The following DOK6 variants were observed in gnomAD, a reference collection of about 807,000 sequenced individuals.
The protein encoded by DOK6 is docking protein 6.
A neutral mutation model predicts 44.0 loss-of-function variants in DOK6; 22 were observed. That is an observed-to-expected ratio of 0.50 (90% confidence interval 0.36 to 0.71). The LOEUF is 0.71. DOK6 is among the 30% of genes least tolerant of loss of function. DOK6 has a pLI of 0.00. For synonymous variants in DOK6, 166 were observed against 145.5 expected, an observed-to-expected ratio of 1.14 and a Z score of -1.01; for missense variants, 340 against 416.4, an observed-to-expected ratio of 0.82 and a Z score of 1.60.
At chr18:69,480,538 A>T (rs570073601) in intron 1 of DOK6, among the ~76,000 whole-genome samples, 2 of 152,168 alleles carry the variant, frequency 1.3e-5, no homozygotes, top group Non-Finnish European at 1.5e-5. Flanking sequence ...CTCTTCTGTA[A>T]TTAATATTCT....
chr18:69,691,357 A>T (rs1024532922), intron 4 of DOK6, among the ~76,000 whole-genome samples: 15 of 152,052 alleles, frequency 9.9e-5, no homozygotes, highest in African/African-American at 3.4e-4. Flanking sequence ...TTTATAGGAG[A>T]AGGGCAGAAA....
chr18:69,558,864 G>A (rs1360420996), intron 1 of DOK6, among the ~76,000 whole-genome samples: 1 of 152,020 alleles, frequency 6.6e-6, no homozygotes, highest in Non-Finnish European at 1.5e-5. Context: ...ACCAATATGA[G>A]TGCATTCATT....
At chr18:69,647,104 G>GTCTATCCTA (rs1335305736) in intron 3 of DOK6, among the ~76,000 whole-genome samples, 20 of 115,370 alleles carry the variant, frequency 1.7e-4, no homozygotes, top group South Asian at 8.8e-4. Context: ...TATCCTATCT[G>GTCTATCCTA]TCTATCTATC....
intron 7 of DOK6, among the ~76,000 whole-genome samples, chr18:69,773,233 A>G (rs1261015283): frequency 6.6e-6 from 1 of 152,026 alleles, no homozygotes; most frequent in Non-Finnish European, 1.5e-5. Context: ...ACTCTTGTAC[A>G]CCATTGATGG....
chr18:69,424,447 A>G (rs1978580795), intron 1 of DOK6, among the ~76,000 whole-genome samples: 1 of 152,196 alleles, frequency 6.6e-6, no homozygotes, highest in Non-Finnish European at 1.5e-5. Flanking sequence ...TTAGTTTTCT[A>G]TGTGACATCT....
chr18:69,644,069 C>G lies in DOK6; in HGVS notation c.290-33665C>G, dbSNP rs527524777. ...TATCCTCTTCATTCAAATGTCTGTT[C>G]ACGTATTTTGCCCATTTTCTAGGTG... On this transcript the variant is annotated intron_variant, in intron 3 of 7. Transcript: ENST00000382713. Among the ~76,000 whole-genome samples, 92 of 152,110 alleles carry G rather than the reference C, an allele frequency of 6.0e-4. 1 individual carries two copies. Among genetic ancestry groups the G allele is most frequent in the African/African-American group, 2.1e-3 (89 of 41,506 alleles).
chr18:69,500,786 A>G (rs12458110), intron 1 of DOK6, among the ~76,000 whole-genome samples: 5,574 of 152,284 alleles, frequency 0.037, 158 homozygotes, highest in Admixed American at 0.095. Flanking sequence ...TTCAGTCAAT[A>G]TAGTTTGACA....
At chr18:69,711,553 A>C (rs1030631767) in intron 5 of DOK6, among the ~76,000 whole-genome samples, 1 of 152,232 alleles carries the variant, frequency 6.6e-6, no homozygotes, top group African/African-American at 2.4e-5. Context: ...ATACATGAAA[A>C]AATAATGCTA....
At chr18:69,566,824 T>C (rs1352661719) in intron 2 of DOK6, among the ~76,000 whole-genome samples, 2 of 152,246 alleles carry the variant, frequency 1.3e-5, no homozygotes, top group Non-Finnish European at 2.9e-5. Flanking sequence ...GATATTTGAA[T>C]GGCCAAACTA....
At chr18:69,812,404 C>G (rs1981268817) in intron 7 of DOK6, among the ~76,000 whole-genome samples, 1 of 152,052 alleles carries the variant, frequency 6.6e-6, no homozygotes, top group Non-Finnish European at 1.5e-5. Context: ...TTTGAAAAAT[C>G]TTTAAGAACA....
In DOK6 at chr18:69,672,654, G is replaced by A. The variant is rs576789137; in HGVS notation, c.290-5080G>A. Among the ~76,000 whole-genome samples the A allele has an allele frequency of 6.7e-4, 98 of 146,026 alleles. 1 individual carries two copies. Among genetic ancestry groups the A allele is most frequent in the African/African-American group, 2.2e-3 (87 of 39,830 alleles). On this transcript the variant is annotated intron_variant, in intron 3 of 7. Coordinates refer to ENST00000382713, the MANE Select transcript of DOK6 (RefSeq NM_152721.6). ...ATTACAGGCGTGAGCCACTGCGCCC[G>A]GCAGTGTTTGTGTTTTAACTGGTTT... is the stretch of plus-strand genomic sequence containing the variant.
At chr18:69,402,791 G>A (rs575032943) in intron 1 of DOK6, among the ~76,000 whole-genome samples, 123 of 152,354 alleles carry the variant, frequency 8.1e-4, no homozygotes, top group Non-Finnish European at 1.4e-3. Context: ...GAGAGAGCAG[G>A]CGCCAGAGTC....
chr18:69,619,943 T>A (rs1475858825), intron 3 of DOK6, among the ~76,000 whole-genome samples: 2 of 152,186 alleles, frequency 1.3e-5, no homozygotes, highest in African/African-American at 4.8e-5. Context: ...CAAGTAATAA[T>A]AAGTGATGTT....
At chr18:69,565,991 G>C (rs550342270) in intron 2 of DOK6, among the ~76,000 whole-genome samples, 2 of 152,256 alleles carry the variant, frequency 1.3e-5, no homozygotes, top group African/African-American at 4.8e-5. Context: ...ATGATATTTA[G>C]TTTGTAAGTA....
chr18:69,610,638 G>A (rs1984116277), intron 3 of DOK6, among the ~76,000 whole-genome samples: 1 of 152,152 alleles, frequency 6.6e-6, no homozygotes, highest in Admixed American at 6.5e-5. Flanking sequence ...TGCGGACACT[G>A]CATCTGTGGA....
At chr18:69,568,045 TCAGGCAACCGGCTCTCCCTTA>T (rs2144600859) in intron 2 of DOK6, among the ~76,000 whole-genome samples, 1 of 152,312 alleles carries the variant, frequency 6.6e-6, no homozygotes, top group Admixed American at 6.5e-5. Flanking sequence ...CGGCCTGCCT[TCAGGCAACCGGCTCTCCCTTA>T]CAGAGTCAGC....
At chr18:69,828,027 G>A (rs1981791778) in intron 7 of DOK6, among the ~76,000 whole-genome samples, 1 of 151,682 alleles carries the variant, frequency 6.6e-6, no homozygotes, top group Non-Finnish European at 1.5e-5. Flanking sequence ...CTCACTTTAT[G>A]GTTCAGATCT....
chr18:69,691,972 A>C (rs1435409491), intron 4 of DOK6, among the ~76,000 whole-genome samples: 1 of 152,188 alleles, frequency 6.6e-6, no homozygotes, highest in Non-Finnish European at 1.5e-5. Context: ...TAGCATTTGA[A>C]TACATCTTGT....
At chr18:69,513,380 A>ATGCG (rs1568281746) in intron 1 of DOK6, among the ~76,000 whole-genome samples, 21 of 152,176 alleles carry the variant, frequency 1.4e-4, no homozygotes, top group Non-Finnish European at 8.8e-5. Flanking sequence ...ACATATACTC[A>ATGCG]CGCACACACG....
Sources: allele counts gnomAD v4.1 joint callset (sites outside exome capture counted in the v4.1 genomes callset), GRCh38; gene constraint gnomAD v4.1.1; transcripts MANE v1.5; gene names NCBI Gene and HGNC (gene_info 2026-07-23, HGNC 2026-07-21).